The following LARGE1 variants were observed in gnomAD, a reference collection of about 807,000 sequenced individuals.
The protein encoded by LARGE1 is xylosyl- and glucuronyltransferase LARGE1.
A neutral mutation model predicts 87.6 loss-of-function variants in LARGE1; 43 were observed. That is an observed-to-expected ratio of 0.49 (90% CI 0.38 to 0.63). The LOEUF is 0.63. Ranked by LOEUF, LARGE1 falls within the 30% of genes least tolerant of loss-of-function variation. The pLI is 0.00. For missense variants in LARGE1, 802 were observed against 1,000.2 expected (o/e 0.80, Z 2.67); for synonymous variants, 434 against 394.6 (o/e 1.10, Z -1.18).
intron 1 of LARGE1, among the ~76,000 whole-genome samples, chr22:33,894,403 T>C (rs930380551): frequency 3.3e-5 from 5 of 152,162 alleles, no homozygotes; most frequent in Non-Finnish European, 5.9e-5. Flanking sequence ...ACCCCTACTC[T>C]ACTCACTAGG....
intron 6 of LARGE1, among the ~76,000 whole-genome samples, chr22:33,494,338 G>A (rs2069998464): frequency 6.6e-6 from 1 of 152,182 alleles, no homozygotes; most frequent in Admixed American, 6.5e-5. Context: ...GATTAACTGA[G>A]GACGTTTCCC....
intron 13 of LARGE1, 69 bp from the exon 14 acceptor site, chr22:33,277,324 G>A: frequency 7.0e-7 from 1 of 1,421,896 alleles, no homozygotes; most frequent in Non-Finnish European, 9.8e-7. Context: ...CAGCCGATGT[G>A]GAGGAAGAAG....
intron 5 of LARGE1, among the ~76,000 whole-genome samples, chr22:33,603,128 C>T (rs1389297147): frequency 6.6e-6 from 1 of 152,154 alleles, no homozygotes; most frequent in Non-Finnish European, 1.5e-5. Context: ...TCCCCAAATG[C>T]TAAATTCTGA....
At chr22:33,446,961 TCG>T (rs1213814263) in intron 6 of LARGE1, among the ~76,000 whole-genome samples, 2 of 152,202 alleles carry the variant, frequency 1.3e-5, no homozygotes, top group Non-Finnish European at 2.9e-5. Flanking sequence ...TGGCACCATC[TCG>T]GTTCACTGCA....
chr22:33,877,380 A>T (rs1389094660), intron 1 of LARGE1, among the ~76,000 whole-genome samples: 2 of 152,072 alleles, frequency 1.3e-5, no homozygotes, highest in Admixed American at 1.3e-4. Context: ...GTATCCTCCA[A>T]AAAAATTTTT....
intron 1 of LARGE1, among the ~76,000 whole-genome samples, chr22:33,883,344 T>C (rs1314464412): frequency 6.6e-6 from 1 of 152,168 alleles, no homozygotes; most frequent in African/African-American, 2.4e-5. Flanking sequence ...ACCAGGGTCA[T>C]AGAGAATGTA....
chr22:33,230,271 C>T (rs1007835132), intron 11 of LARGE1, among the ~76,000 whole-genome samples: 11 of 152,034 alleles, frequency 7.2e-5, no homozygotes, highest in African/African-American at 2.7e-4. Context: ...CCACCCACCT[C>T]AGCCTCCCAA....
At chr22:33,088,578 G>A in the LARGE1 span, among the ~76,000 whole-genome samples, 1 of 152,118 alleles carries the variant, frequency 6.6e-6, no homozygotes, top group Admixed American at 6.5e-5. Flanking sequence ...TGTCAGGGAG[G>A]CCCGTGTTAC....
At chr22:33,313,731 A>T (rs2187745) in intron 11 of LARGE1, among the ~76,000 whole-genome samples, 33,221 of 152,104 alleles carry the variant, frequency 0.22, 4,501 homozygotes, top group Non-Finnish European at 0.31. Flanking sequence ...CTGGAACTGA[A>T]TTCTGCTCCA....
chr22:33,893,149 T>G (rs2065047165), intron 1 of LARGE1, among the ~76,000 whole-genome samples: 2 of 152,168 alleles, frequency 1.3e-5, no homozygotes, highest in African/African-American at 4.8e-5. Flanking sequence ...CATAAAAGAC[T>G]AAAACTGGCA....
intron 9 of LARGE1, among the ~76,000 whole-genome samples, chr22:33,346,006 C>G (rs944658464): frequency 5.3e-5 from 8 of 152,172 alleles, no homozygotes; most frequent in Non-Finnish European, 4.4e-5. Flanking sequence ...CATCTCAACA[C>G]TCCAACTGAC....
At chr22:33,709,719 G>T (rs1208709085) in intron 2 of LARGE1, among the ~76,000 whole-genome samples, 2 of 149,980 alleles carry the variant, frequency 1.3e-5, no homozygotes, top group African/African-American at 4.9e-5. Flanking sequence ...TCCACCTCCC[G>T]GGTTCACACC....
intron 6 of LARGE1, among the ~76,000 whole-genome samples, chr22:33,437,248 C>T (rs568974515): frequency 1.4e-4 from 21 of 152,280 alleles, no homozygotes; most frequent in Middle Eastern, 3.4e-3. Context: ...ATGGTGTCTA[C>T]ATTCACCTCA....
intron 7 of LARGE1, among the ~76,000 whole-genome samples, chr22:33,426,762 A>C (rs555815503): frequency 6.6e-6 from 1 of 152,144 alleles, no homozygotes; most frequent in Non-Finnish European, 1.5e-5. Context: ...CTCCCTCCCT[A>C]AACAGCCAGG....
chr22:33,861,796 G>T (rs2063931274), intron 1 of LARGE1, among the ~76,000 whole-genome samples: 1 of 151,922 alleles, frequency 6.6e-6, no homozygotes, highest in East Asian at 1.9e-4. Flanking sequence ...CTAGAAAAGG[G>T]CAGGGAAGGT....
intron 1 of LARGE1, among the ~76,000 whole-genome samples, chr22:33,849,592 C>CTT (rs71187287): frequency 0.039 from 3,422 of 88,526 alleles, 164 homozygotes; most frequent in African/African-American, 0.07. Context: ...CTTTTCTTCT[C>CTT]TTTTTTTTTT....
At chr22:33,881,238 G>A (rs945907300) in intron 1 of LARGE1, among the ~76,000 whole-genome samples, 17 of 152,018 alleles carry the variant, frequency 1.1e-4, no homozygotes, top group Admixed American at 6.6e-4. Context: ...CACACAACAC[G>A]CTGCATGGCT....
In LARGE1 at chr22:33,385,110, CTAA is replaced by C. The variant is rs956405578; in HGVS notation, c.893-809_893-807del. The stretch of plus-strand genomic sequence containing the variant: ...CAGAAGCCTGTGAGCTCATAAGAAA[CTAA>C]TAATAAGAGGTGGTTCCTCTTCCTT... On this transcript the variant is annotated intron_variant, in intron 7 of 14. Transcript: ENST00000397394. 7.4e-5 allele frequency among the ~76,000 whole-genome samples: 11 copies of C among 148,654 alleles called. 1 individual carries two copies. The highest frequency in any genetic ancestry group is 2.4e-4 in the African/African-American group (10 of 40,952).
At chr22:33,292,314 T>C (rs1932734018) in intron 12 of LARGE1, among the ~76,000 whole-genome samples, 1 of 152,088 alleles carries the variant, frequency 6.6e-6, no homozygotes, top group African/African-American at 2.4e-5. Context: ...GATGCCATCT[T>C]CAAGAAAACA....
Sources: gnomAD v4.1 joint callset for allele counts (sites outside exome capture counted in the v4.1 genomes callset) on GRCh38, gnomAD v4.1.1 for gene constraint, MANE v1.5 for transcripts, NCBI Gene and HGNC (gene_info 2026-07-23, HGNC 2026-07-21) for gene names.